The following GPC5 variants were observed in gnomAD, a reference collection of about 807,000 sequenced individuals.
GPC5 encodes glypican-5.
GPC5 carries 47 observed loss-of-function variants against 53.9 expected under a neutral mutation model. The ratio of observed to expected loss-of-function variants is 0.87; its 90% CI spans 0.69 to 1.11. The LOEUF is 1.11. Ranked by LOEUF, GPC5 falls within the 50% of genes most tolerant of loss-of-function variation. GPC5 has a pLI of 0.00. For missense variants in GPC5, 748 were observed against 713.1 expected (o/e 1.05, Z -0.56); for synonymous variants, 286 against 263.3 (o/e 1.09, Z -0.84).
intron 7 of GPC5, chr13:92,446,720 G>C (rs1877842912): frequency 6.6e-6 from 1 of 152,146 alleles, no homozygotes; most frequent in Non-Finnish European, 1.5e-5. Flanking sequence ...GTTCTCCACA[G>C]TGGTGGTACT....
intron 5 of GPC5, among the ~76,000 whole-genome samples, chr13:91,795,668 T>C (rs1487940788): frequency 1.3e-5 from 2 of 152,150 alleles, no homozygotes; most frequent in African/African-American, 2.4e-5. Flanking sequence ...TTGCCTACCA[T>C]GGGTCATAGC....
intron 5 of GPC5, among the ~76,000 whole-genome samples, chr13:91,823,221 G>A (rs531855298): frequency 1.3e-5 from 2 of 152,178 alleles, no homozygotes; most frequent in African/African-American, 2.4e-5. Context: ...AGTTTTGGCA[G>A]TATATGTTGT....
chr13:91,935,683 C>T (rs1321860567), intron 6 of GPC5, among the ~76,000 whole-genome samples: 4 of 151,838 alleles, frequency 2.6e-5, no homozygotes, highest in Non-Finnish European at 5.9e-5. Context: ...GTATAATTTC[C>T]CAAAATAGAA....
chr13:91,993,714 AGACCG>A (rs2040478680), intron 6 of GPC5, among the ~76,000 whole-genome samples: 1 of 152,188 alleles, frequency 6.6e-6, no homozygotes, highest in African/African-American at 2.4e-5. Context: ...TATAGGTGAA[AGACCG>A]ATTCCTTTCT....
intron 7 of GPC5, among the ~76,000 whole-genome samples, chr13:92,729,736 G>A (rs1888750791): frequency 6.7e-6 from 1 of 150,338 alleles, no homozygotes; most frequent in African/African-American, 2.5e-5. Context: ...AAGTCACAAA[G>A]TAAGACAGGA....
chr13:91,517,740 T>C (rs745401534), intron 2 of GPC5, among the ~76,000 whole-genome samples: 9 of 152,222 alleles, frequency 5.9e-5, no homozygotes, highest in Non-Finnish European at 1.3e-4. Context: ...AAAAGTTTAA[T>C]TGGACTTACA....
chr13:91,610,618 A>G (rs572687630), intron 2 of GPC5, among the ~76,000 whole-genome samples: 1 of 152,312 alleles, frequency 6.6e-6, no homozygotes, highest in East Asian at 1.9e-4. Flanking sequence ...ATTTTGCTGT[A>G]AGTTTAGCTT....
intron 7 of GPC5, among the ~76,000 whole-genome samples, chr13:92,165,289 C>T (rs1454387235): frequency 6.6e-6 from 1 of 152,126 alleles, no homozygotes; most frequent in Non-Finnish European, 1.5e-5. Context: ...AAATAAGTTC[C>T]AATTCCAAAT....
chr13:92,118,025 C>T (rs1420600134), intron 6 of GPC5, among the ~76,000 whole-genome samples: 1 of 152,086 alleles, frequency 6.6e-6, no homozygotes, highest in Non-Finnish European at 1.5e-5. Context: ...GCCTTGGACC[C>T]AGTTTTGAAA....
chr13:92,664,800 T>C (rs1886516001), intron 7 of GPC5, among the ~76,000 whole-genome samples: 1 of 152,270 alleles, frequency 6.6e-6, no homozygotes, highest in East Asian at 1.9e-4. Context: ...CTCACTTCCT[T>C]TCATCCAGCA....
chr13:92,192,660 T>G (rs536899098), intron 7 of GPC5, among the ~76,000 whole-genome samples: 1 of 152,154 alleles, frequency 6.6e-6, no homozygotes, highest in African/African-American at 2.4e-5. Flanking sequence ...AGAACAGTGT[T>G]TATTAATTTT....
rs368537447 is a variant in GPC5 at position 91,516,067 on chromosome 13, G to A, written c.325+67145G>A. 5.3e-5 allele frequency among the ~76,000 whole-genome samples: 8 copies of A among 152,150 alleles called. No individual in the cohort carries two copies. In the East Asian group the frequency reaches 7.7e-4, roughly 15 times the overall value. ...TCCCCCTTGGTCCCTCCCACAACAC[G>A]TGGGAGTTCAGGGAGATACAATTCG... On this transcript the variant is annotated intron_variant, in intron 2 of 7. Coordinates refer to ENST00000377067, the MANE Select transcript of GPC5 (RefSeq NM_004466.6).
intron 7 of GPC5, among the ~76,000 whole-genome samples, chr13:92,722,348 T>C (rs1254242347): frequency 6.6e-6 from 1 of 152,016 alleles, no homozygotes; most frequent in Non-Finnish European, 1.5e-5. Flanking sequence ...AAAATCAAGC[T>C]TTTGCTAGGA....
At chr13:91,617,912 C>T (rs74369580) in intron 2 of GPC5, among the ~76,000 whole-genome samples, 1,929 of 152,164 alleles carry the variant, frequency 0.013, 40 homozygotes, top group African/African-American at 0.044. Flanking sequence ...AAATGGGCAT[C>T]GCTGATTTCC....
chr13:92,379,294 C>T (rs2043719109), intron 7 of GPC5, among the ~76,000 whole-genome samples: 2 of 152,166 alleles, frequency 1.3e-5, no homozygotes, highest in Non-Finnish European at 2.9e-5. Context: ...TCATATTATT[C>T]CCTCTCTCTG....
intron 6 of GPC5, among the ~76,000 whole-genome samples, chr13:92,124,817 T>C (rs1205137626): frequency 2.6e-5 from 4 of 152,122 alleles, no homozygotes; most frequent in African/African-American, 9.7e-5. Flanking sequence ...AATAACATAA[T>C]AGAAGAAAGT....
intron 2 of GPC5, among the ~76,000 whole-genome samples, chr13:91,468,147 C>T (rs1241103242): frequency 6.6e-6 from 1 of 152,144 alleles, no homozygotes; most frequent in Non-Finnish European, 1.5e-5. Context: ...CATGTTGCTT[C>T]CACTTACACT....
At chr13:91,517,979 A>G (rs1411336951) in intron 2 of GPC5, among the ~76,000 whole-genome samples, 6 of 152,166 alleles carry the variant, frequency 3.9e-5, no homozygotes, top group South Asian at 2.1e-4. Context: ...ATTCTGGGAG[A>G]TACAATTCAA....
At chr13:91,909,539 T>C (rs1162672774) in intron 6 of GPC5, among the ~76,000 whole-genome samples, 2 of 152,160 alleles carry the variant, frequency 1.3e-5, no homozygotes, top group East Asian at 1.9e-4. Flanking sequence ...GTAAGGTATA[T>C]AAAATATGTA....
Sources: allele counts gnomAD v4.1 joint callset (sites outside exome capture counted in the v4.1 genomes callset), GRCh38; gene constraint gnomAD v4.1.1; transcripts MANE v1.5; gene names NCBI Gene and HGNC (gene_info 2026-07-23, HGNC 2026-07-21).